GRIN2B: variants seen among roughly 807,000 people sequenced by gnomAD.
The protein encoded by GRIN2B is glutamate receptor ionotropic, NMDA 2B.
GRIN2B carries 5 observed loss-of-function variants against 114.5 expected under a neutral mutation model. The ratio of observed to expected loss-of-function variants is 0.04; its 90% CI spans 0.02 to 0.09. The LOEUF is 0.09. GRIN2B is among the 10% of genes least tolerant of loss of function. The pLI, the probability that GRIN2B is intolerant of heterozygous loss-of-function variation, is 1.00. For missense variants in GRIN2B, 1,108 were observed against 1,943.5 expected (o/e 0.57, Z 8.08); for synonymous variants, 787 against 745.1 (o/e 1.06, Z -0.92).
At chr12:13,847,847 C>T (rs950133768) in intron 3 of GRIN2B, among the ~76,000 whole-genome samples, 1 of 152,148 alleles carries the variant, frequency 6.6e-6, no homozygotes, top group African/African-American at 2.4e-5. Context: ...TAAGCCCTCT[C>T]TGTAGTGTGG....
chr12:13,928,730 T>C (rs1050316361), intron 2 of GRIN2B, among the ~76,000 whole-genome samples: 1 of 152,220 alleles, frequency 6.6e-6, no homozygotes, highest in Non-Finnish European at 1.5e-5. Context: ...TTTATCTTGC[T>C]TTTTATATCT....
chr12:13,699,862 C>T (rs1160024580), intron 4 of GRIN2B, among the ~76,000 whole-genome samples: 1 of 148,558 alleles, frequency 6.7e-6, no homozygotes, highest in Non-Finnish European at 1.5e-5. Flanking sequence ...GCTGGGATTA[C>T]AGGCATGAGC....
intron 5 of GRIN2B, among the ~76,000 whole-genome samples, chr12:13,620,360 G>A (rs1160691626): frequency 2.6e-5 from 4 of 152,278 alleles, no homozygotes; most frequent in South Asian, 2.1e-4. Flanking sequence ...TGACTGGATT[G>A]TGCTCATCTC....
intron 4 of GRIN2B, among the ~76,000 whole-genome samples, chr12:13,710,632 G>A (rs1950405382): frequency 6.6e-6 from 1 of 152,088 alleles, no homozygotes; most frequent in Non-Finnish European, 1.5e-5. Flanking sequence ...ATTTGCAATT[G>A]CTTCAAAGAG....
At chr12:13,819,553 G>C (rs1864892903) in intron 3 of GRIN2B, among the ~76,000 whole-genome samples, 1 of 152,132 alleles carries the variant, frequency 6.6e-6, no homozygotes, top group Admixed American at 6.5e-5. Flanking sequence ...TTTTGAAAAG[G>C]TAATAGCGTG....
intron 5 of GRIN2B, among the ~76,000 whole-genome samples, chr12:13,661,390 A>C (rs1321408192): frequency 2.0e-5 from 3 of 152,220 alleles, no homozygotes; most frequent in Admixed American, 2.0e-4. Flanking sequence ...TGCCTTCTAC[A>C]CTTCCAGGGT....
intron 3 of GRIN2B, among the ~76,000 whole-genome samples, chr12:13,816,920 T>C (rs1273023845): frequency 6.6e-6 from 1 of 152,158 alleles, no homozygotes; most frequent in Non-Finnish European, 1.5e-5. Context: ...AATACAAATC[T>C]TGCCAAGCAG....
At chr12:13,566,969 A>G in intron 13 of GRIN2B, 56 bp downstream of exon 13, 3 of 1,196,660 alleles carry the variant, frequency 2.5e-6, no homozygotes, top group Non-Finnish European at 2.5e-6. Flanking sequence ...TGCTTTGCAC[A>G]GTGCTAGGCT....
intron 4 of GRIN2B, among the ~76,000 whole-genome samples, chr12:13,691,755 T>C (rs1228037613): frequency 1.3e-5 from 2 of 151,732 alleles, no homozygotes; most frequent in East Asian, 3.9e-4. Flanking sequence ...GGAGAGGAGA[T>C]GAAACAGCAT....
At chr12:13,719,178 T>C (rs892592892) in intron 4 of GRIN2B, among the ~76,000 whole-genome samples, 1 of 151,984 alleles carries the variant, frequency 6.6e-6, no homozygotes. Flanking sequence ...AGACTGCCAC[T>C]CCCGCAAGCT....
intron 10 of GRIN2B, among the ~76,000 whole-genome samples, chr12:13,599,361 G>A (rs1311343287): frequency 1.3e-5 from 2 of 152,140 alleles, no homozygotes; most frequent in Admixed American, 6.5e-5. Flanking sequence ...TACAGCTGGA[G>A]GCAACAAGGC....
intron 3 of GRIN2B, among the ~76,000 whole-genome samples, chr12:13,798,223 G>T (rs541085297): frequency 1.3e-5 from 2 of 151,808 alleles, no homozygotes; most frequent in South Asian, 2.1e-4. Flanking sequence ...AATGGCTTTT[G>T]TGTGTTTATT....
Position 13,573,579 on chromosome 12 carries a change from A to G in GRIN2B, c.2011-1615T>C, listed in dbSNP as rs775460495. 1.5e-4 allele frequency among the ~76,000 whole-genome samples: 19 copies of G among 125,468 alleles called. 1 individual carries two copies. Among genetic ancestry groups the G allele is most frequent in the Non-Finnish European group, 1.4e-4 (8 of 55,478 alleles). 82.3% of individuals were successfully genotyped at this position (125,468 alleles called of 152,430 possible). A position where few individuals can be genotyped will look rare whatever the true frequency, so the allele number is the denominator to read the frequency against. The stretch of plus-strand genomic sequence containing the variant: ...ACCCACTCTCTAAGCTTCTTATTCT[A>G]TTAGTACAGCAATGATCATTGTAGC... On this transcript the variant is annotated intron_variant, in intron 10 of 13. Coordinates refer to ENST00000609686, the MANE Select transcript of GRIN2B (RefSeq NM_000834.5).
chr12:13,765,996 T>C (rs1405003158), intron 3 of GRIN2B, among the ~76,000 whole-genome samples: 2 of 152,222 alleles, frequency 1.3e-5, no homozygotes, highest in East Asian at 3.8e-4. Context: ...ATTACAGAGA[T>C]TATTTTCATT....
intron 2 of GRIN2B, among the ~76,000 whole-genome samples, chr12:13,890,484 G>T (rs1866240253): frequency 6.6e-6 from 1 of 152,176 alleles, no homozygotes; most frequent in Non-Finnish European, 1.5e-5. Flanking sequence ...ACTACCCCAT[G>T]CGCCCAGTGG....
chr12:13,636,562 T>C (rs905543649), intron 5 of GRIN2B, among the ~76,000 whole-genome samples: 8 of 152,006 alleles, frequency 5.3e-5, no homozygotes, highest in African/African-American at 1.7e-4. Flanking sequence ...ACTTTCTGGA[T>C]ATGTTTGACA....
At chr12:13,963,927 AAG>A (rs1250882152) in intron 2 of GRIN2B, among the ~76,000 whole-genome samples, 2 of 152,170 alleles carry the variant, frequency 1.3e-5, no homozygotes, top group African/African-American at 4.8e-5. Flanking sequence ...GGGAAAGGTA[AAG>A]AGAGAATCCA....
At chr12:13,977,560 T>C (rs746332056) in intron 2 of GRIN2B, among the ~76,000 whole-genome samples, 2 of 152,190 alleles carry the variant, frequency 1.3e-5, no homozygotes, top group Non-Finnish European at 2.9e-5. Context: ...TTAAATTTGC[T>C]CTTCCTCCCA....
chr12:13,827,490 T>G (rs1865065399), intron 3 of GRIN2B, among the ~76,000 whole-genome samples: 1 of 152,152 alleles, frequency 6.6e-6, no homozygotes, highest in South Asian at 2.1e-4. Context: ...TGCTTCATTT[T>G]CTTTTGCTAT....
Sources: allele counts gnomAD v4.1 joint callset (sites outside exome capture counted in the v4.1 genomes callset), GRCh38; gene constraint gnomAD v4.1.1; transcripts MANE v1.5; gene names NCBI Gene and HGNC (gene_info 2026-07-23, HGNC 2026-07-21).